Variants in USH2A observed in about 807,000 individuals in gnomAD.
USH2A encodes Usher syndrome 2A (autosomal recessive, mild).
USH2A carries 443 observed loss-of-function variants against 538.9 expected under a neutral mutation model. That is an observed-to-expected ratio of 0.82 (90% CI 0.76 to 0.89). The LOEUF is 0.89. Ranked by LOEUF, USH2A falls within the 40% of genes least tolerant of loss-of-function variation. The pLI is 0.00. For synonymous variants in USH2A, 2,413 were observed against 2,273.5 expected, an observed-to-expected ratio of 1.06 and a Z score of -1.75; for missense variants, 6,633 against 6,324.8, an observed-to-expected ratio of 1.05 and a Z score of -1.65.
At chr1:216,218,532 C>T (rs1013593503) in intron 14 of USH2A, among the ~76,000 whole-genome samples, 7 of 152,056 alleles carry the variant, frequency 4.6e-5, no homozygotes, top group Admixed American at 4.6e-4. Context: ...AGTTACTTTT[C>T]CCCACTGCCA....
intron 49 of USH2A, among the ~76,000 whole-genome samples, chr1:215,804,036 G>A: frequency 6.6e-6 from 1 of 152,136 alleles, no homozygotes; most frequent in East Asian, 1.9e-4. Context: ...AATGGGAAAA[G>A]GATTCCCTAT....
chr1:216,204,432 TAACA>T (rs1244445374), intron 16 of USH2A: 3 of 99,900 alleles, frequency 3.0e-5, no homozygotes, highest in African/African-American at 2.8e-5. Context: ...GCTATTATAA[TAACA>T]AATAATTTGA....
At chr1:215,831,157 A>G (rs1306117177) in intron 47 of USH2A, among the ~76,000 whole-genome samples, 1 of 152,200 alleles carries the variant, frequency 6.6e-6, no homozygotes, top group Non-Finnish European at 1.5e-5. Flanking sequence ...CAGTTTATCA[A>G]GACATTAACA....
intron 44 of USH2A, among the ~76,000 whole-genome samples, chr1:215,857,908 C>G (rs956133804): frequency 1.3e-5 from 2 of 152,152 alleles, no homozygotes; most frequent in Admixed American, 1.3e-4. Flanking sequence ...GACTTCCCAT[C>G]CCACTGTAGC....
At chr1:215,658,080 G>A (rs1243638840) in intron 64 of USH2A, among the ~76,000 whole-genome samples, 1 of 151,612 alleles carries the variant, frequency 6.6e-6, no homozygotes, top group Non-Finnish European at 1.5e-5. Context: ...GACTACAGGC[G>A]CACGCCACCC....
At chr1:216,366,244 G>A (rs959367811) in intron 3 of USH2A, among the ~76,000 whole-genome samples, 1 of 152,086 alleles carries the variant, frequency 6.6e-6, no homozygotes, top group African/African-American at 2.4e-5. Flanking sequence ...GGAAAGGTTG[G>A]ATGTTAACAT....
chr1:216,053,651 G>A (rs1184926576), intron 30 of USH2A, among the ~76,000 whole-genome samples: 4 of 152,116 alleles, frequency 2.6e-5, no homozygotes, highest in African/African-American at 9.7e-5. Context: ...CATTATTGAT[G>A]TCTTAAAAGT....
chr1:216,269,275 C>T (rs529209282), intron 11 of USH2A, among the ~76,000 whole-genome samples: 2 of 152,088 alleles, frequency 1.3e-5, no homozygotes, highest in Admixed American at 6.6e-5. Context: ...ATAAATCTCA[C>T]GAGATCTGAT....
chr1:216,311,153 A>G (rs1399199586), intron 9 of USH2A, among the ~76,000 whole-genome samples: 1 of 152,186 alleles, frequency 6.6e-6, no homozygotes, highest in Admixed American at 6.5e-5. Flanking sequence ...TGGTCAAGTT[A>G]CAGAGCAGAC....
intron 18 of USH2A, among the ~76,000 whole-genome samples, 185 bp from the exon 19 acceptor site, chr1:216,196,907 A>G (rs542218403): frequency 3.9e-5 from 6 of 152,306 alleles, no homozygotes; most frequent in Admixed American, 2.0e-4. Context: ...ATGTTATCTG[A>G]AAGTATATTC....
At chr1:215,985,988 A>C (rs781090680) in intron 35 of USH2A, among the ~76,000 whole-genome samples, 2 of 152,216 alleles carry the variant, frequency 1.3e-5, no homozygotes, top group Non-Finnish European at 2.9e-5. Context: ...TTCACATATA[A>C]ATTCTCACAA....
intron 44 of USH2A, among the ~76,000 whole-genome samples, chr1:215,853,180 C>T (rs1192817760): frequency 6.6e-6 from 1 of 152,198 alleles, no homozygotes. Flanking sequence ...GGTTCCCAAA[C>T]CTCAAATCTT....
At chr1:216,010,571 A>C (rs1357721170) in intron 32 of USH2A, among the ~76,000 whole-genome samples, 1 of 151,498 alleles carries the variant, frequency 6.6e-6, no homozygotes, top group Non-Finnish European at 1.5e-5. Context: ...CTTCTTAATC[A>C]ATACGGAGGC....
intron 35 of USH2A, among the ~76,000 whole-genome samples, chr1:215,976,232 G>A (rs1667616488): frequency 6.6e-6 from 1 of 152,096 alleles, no homozygotes; most frequent in South Asian, 2.1e-4. Context: ...TTTGGGTTTT[G>A]TAGGCATAAA....
chr1:216,209,240 T>C (rs1012627786), intron 15 of USH2A, among the ~76,000 whole-genome samples: 6 of 152,158 alleles, frequency 3.9e-5, no homozygotes, highest in Admixed American at 3.9e-4. Context: ...TGACCACTCA[T>C]GGAGGGATGC....
Position 215,679,902 on chromosome 1 carries a change from G to C in USH2A, c.12294+247C>G, listed in dbSNP as rs915467494. Among the ~76,000 whole-genome samples the C allele has an allele frequency of 2.0e-5, 3 of 152,226 alleles. 1 individual carries two copies. The highest frequency in any genetic ancestry group is 4.4e-5 in the Non-Finnish European group (3 of 68,046). On this transcript the variant is annotated intron_variant, in intron 62 of 71. Coordinates refer to ENST00000307340, the MANE Select transcript of USH2A (RefSeq NM_206933.4). Reference sequence around the variant, plus strand: ...CATGAGGTTTGGTGGTACCCACCTAGTAGGGTTGATGTGAGGATTAAATGA... The same window carrying C: ...CATGAGGTTTGGTGGTACCCACCTACTAGGGTTGATGTGAGGATTAAATGA...
chr1:215,854,631 A>G (rs904132985), intron 44 of USH2A, among the ~76,000 whole-genome samples: 1 of 152,184 alleles, frequency 6.6e-6, no homozygotes, highest in Non-Finnish European at 1.5e-5. Flanking sequence ...GGGCTCCCAA[A>G]TGGGTCTTCC....
intron 26 of USH2A, among the ~76,000 whole-genome samples, chr1:216,082,228 C>A (rs2102558385): frequency 8.1e-6 from 1 of 123,516 alleles, no homozygotes; most frequent in African/African-American, 3.2e-5. Flanking sequence ...GAAGATACAA[C>A]TATAAAGAAG....
chr1:216,214,911 AG>A (rs2035314195), intron 15 of USH2A, among the ~76,000 whole-genome samples: 1 of 152,046 alleles, frequency 6.6e-6, no homozygotes, highest in Admixed American at 6.6e-5. Flanking sequence ...TGAACTAACT[AG>A]AATATCATTC....
Sources: allele counts gnomAD v4.1 joint callset (sites outside exome capture counted in the v4.1 genomes callset), GRCh38; gene constraint gnomAD v4.1.1; transcripts MANE v1.5; gene names NCBI Gene and HGNC (gene_info 2026-07-23, HGNC 2026-07-21).